SAV1: variants seen among roughly 807,000 people sequenced by gnomAD.
SAV1 encodes protein salvador homolog 1.
In SAV1, 23 loss-of-function variants were observed where a neutral mutation model predicts 47.3. That is an observed-to-expected ratio of 0.49 (90% CI 0.35 to 0.69). The LOEUF (loss-of-function observed/expected upper bound fraction) is 0.69. Among genes scored for constraint, SAV1 ranks in the 30% least tolerant of loss-of-function variants. SAV1 has a pLI of 0.01. For missense variants in SAV1, 448 were observed against 457.4 expected, an observed-to-expected ratio of 0.98 and a Z score of 0.19; for synonymous variants, 155 against 159.2, an observed-to-expected ratio of 0.97 and a Z score of 0.20.
chr14:50,667,462 C>T (rs1349397362), intron 1 of SAV1: 1 of 457,172 alleles, frequency 2.2e-6, no homozygotes, highest in Non-Finnish European at 4.4e-6. Context: ...TCGAGAGACA[C>T]CCGCAATGTT....
chr14:50,651,950 C>G (rs1416984923), intron 2 of SAV1, among the ~76,000 whole-genome samples: 1 of 152,168 alleles, frequency 6.6e-6, no homozygotes, highest in Non-Finnish European at 1.5e-5. Flanking sequence ...ATAAATTGTA[C>G]TTCCTCATCG....
intron 2 of SAV1, among the ~76,000 whole-genome samples, chr14:50,657,605 A>T (rs987946527): frequency 6.6e-6 from 1 of 152,212 alleles, no homozygotes. Flanking sequence ...GCAAGCCACC[A>T]ATTTTGATCC....
At chr14:50,660,040 A>G (rs1018391699) in intron 2 of SAV1, among the ~76,000 whole-genome samples, 1 of 152,182 alleles carries the variant, frequency 6.6e-6, no homozygotes, top group Non-Finnish European at 1.5e-5. Context: ...TTCTTTCCAT[A>G]GTAACTGGCA....
rs751408237 is a variant in SAV1, at chr14:50,665,568, T to G, written c.146A>C (p.Asp49Ala). 1 of 1,613,706 alleles carries G rather than the reference T, an allele frequency of 6.2e-7. No homozygotes were observed. The highest frequency in any genetic ancestry group is 8.5e-7 in the Non-Finnish European group (1 of 1,179,820). ...RHGPTIPRRT[D>A]ICLPDSSPNA... ...AGGGCTTGAATCTGGAAGACAGATA[T>G]CAGTTCGTCTTGGAATTGTTGGACC... The change falls in exon 2 of 5, where the codon GAT becomes GCT. Residue 49 changes from aspartate (D) to alanine (A), a missense_variant. Asp to Ala is a moderately radical substitution (Grantham distance 126). Transcript: ENST00000324679.
At chr14:50,641,945 T>A (rs543995175) in intron 3 of SAV1, among the ~76,000 whole-genome samples, 1 of 152,214 alleles carries the variant, frequency 6.6e-6, no homozygotes, top group East Asian at 1.9e-4. Flanking sequence ...ATAGCAAAGA[T>A]ACGGTATCAA....
At chr14:50,664,719 A>G (rs2039886316) in intron 2 of SAV1, 2 of 152,704 alleles carry the variant, frequency 1.3e-5, no homozygotes, top group Non-Finnish European at 2.9e-5. Context: ...GGCAGGATCT[A>G]GCGAAGTAAT....
chr14:50,660,168 T>C (rs977892821), intron 2 of SAV1, among the ~76,000 whole-genome samples: 1 of 152,230 alleles, frequency 6.6e-6, no homozygotes, highest in Non-Finnish European at 1.5e-5. Context: ...ACCAAGGAAC[T>C]GACTTGGTCT....
rs766731537 is a variant in SAV1, at chr14:50,644,795, T to A, written c.755A>T (p.Tyr252Phe). The change falls in exon 3 of 5, where the codon TAT becomes TTT. Residue 252 changes from tyrosine to phenylalanine, a missense_variant. Transcript: ENST00000324679. The stretch of plus-strand genomic sequence containing the variant: ...GGCCTTCTTATTTGTGTGATCTACA[T>A]AATAGGTTCCAAATTCGGATGACTC... ...RVESSEFGTYYVDHTNKKAQY... is the reference protein window; with the variant it reads ...RVESSEFGTYFVDHTNKKAQY... 1.2e-6 allele frequency: 2 copies of A among 1,614,028 alleles called. No homozygotes were observed. The highest frequency in any genetic ancestry group is 2.2e-5 in the South Asian group (2 of 91,092).
intron 2 of SAV1, among the ~76,000 whole-genome samples, chr14:50,651,665 C>T (rs1264730076): frequency 6.6e-6 from 1 of 152,086 alleles, no homozygotes; most frequent in African/African-American, 2.4e-5. Context: ...CTCACTCTGT[C>T]ACCCAGGCTG....
rs544378955 is a variant in SAV1, at chr14:50,667,796, C to T, written c.94+78G>A. 7.9e-4 allele frequency: 923 copies of T among 1,173,370 alleles called. 6 individuals carry two copies. The highest frequency in any genetic ancestry group is 5.5e-3 in the Middle Eastern group (28 of 5,070). The allele number at this position is 1,173,370 out of a possible 1,614,324, so 72.7% of individuals were successfully genotyped here. On this transcript the variant is annotated intron_variant, in intron 1 of 4. Coordinates refer to ENST00000324679, the MANE Select transcript of SAV1 (RefSeq NM_021818.4). ...AGGACGAAGGAGAAGCCCTGGAGACCCGCCGGCGCCCCCGCCAGGGTCCCC... is the reference window on the plus strand; with the variant it reads ...AGGACGAAGGAGAAGCCCTGGAGACTCGCCGGCGCCCCCGCCAGGGTCCCC...
At chr14:50,655,822 G>A (rs1257222388) in intron 2 of SAV1, among the ~76,000 whole-genome samples, 1 of 151,558 alleles carries the variant, frequency 6.6e-6, no homozygotes, top group Non-Finnish European at 1.5e-5. Context: ...GAGGTGGGTG[G>A]ATCACCTGAG....
Position 50,665,266 on chromosome 14 carries a change from C to G in SAV1, c.448G>C (p.Asp150His). The change falls in exon 2 of 5, where the codon GAT becomes CAT. Residue 150 changes from aspartate to histidine, a missense_variant. Asp to His is a moderately conservative substitution (Grantham distance 81, BLOSUM62 -1). Coordinates refer to ENST00000324679, the MANE Select transcript of SAV1 (RefSeq NM_021818.4). ...TATCTGTAGTCTTCATGTGCACGAT[C>G]TCCAAGTGGCCGCTTTCTCTGACCA... ...FDGQRKRPLG[D>H]RAHEDYRYYE... is the part of the protein sequence containing the mutation. The G allele has an allele frequency of 6.2e-7, 1 of 1,613,870 alleles. No individual in the cohort carries two copies. The highest frequency in any genetic ancestry group is 2.2e-5 in the East Asian group (1 of 44,882).
chr14:50,657,805 C>T (rs899495891), intron 2 of SAV1, among the ~76,000 whole-genome samples: 3 of 152,214 alleles, frequency 2.0e-5, no homozygotes, highest in African/African-American at 7.2e-5. Context: ...ACACACTAAA[C>T]ATATGACTTA....
intron 3 of SAV1, among the ~76,000 whole-genome samples, chr14:50,641,391 T>TA (rs33964457): frequency 1.3e-4 from 19 of 148,432 alleles, no homozygotes; most frequent in Non-Finnish European, 1.8e-4. Flanking sequence ...TCACAGAGAT[T>TA]AAAAAAAAAA....
chr14:50,644,922 T>A lies in SAV1; in HGVS notation c.628A>T (p.Thr210Ser). 2 of 1,614,104 alleles carry A rather than the reference T, an allele frequency of 1.2e-6. No individual in the cohort carries two copies. Among genetic ancestry groups the A allele is most frequent in the South Asian group, 2.2e-5 (2 of 91,080 alleles). Reference sequence around the variant, plus strand: ...ATATAATATTTTCTCCCTCTCATTGTCCAGTCCACAGACCAGCCAGGAGGA... The same window carrying A: ...ATATAATATTTTCTCCCTCTCATTGACCAGTCCACAGACCAGCCAGGAGGA... The part of the protein sequence containing the change: ...PLPPGWSVDW[T>S]MRGRKYYIDH... Residue 210 changes from threonine (T) to serine (S), a missense_variant, in exon 3 of 5, where the codon ACA becomes TCA. Transcript: ENST00000324679.
chr14:50,652,208 T>C (rs2039775184), intron 2 of SAV1, among the ~76,000 whole-genome samples: 1 of 152,242 alleles, frequency 6.6e-6, no homozygotes, highest in Non-Finnish European at 1.5e-5. Flanking sequence ...ATGGTTAAGA[T>C]GGTAAATGTT....
At chr14:50,665,696 T>C (rs2039896457) in intron 1 of SAV1, 77 bp from the exon 2 acceptor site, 1 of 1,266,508 alleles carries the variant, frequency 7.9e-7, no homozygotes, top group African/African-American at 1.5e-5. Context: ...CATTTATGTC[T>C]ACCACCCCAA....
intron 1 of SAV1, among the ~76,000 whole-genome samples, chr14:50,666,857 G>C (rs1469748528): frequency 6.6e-6 from 1 of 151,730 alleles, no homozygotes; most frequent in Non-Finnish European, 1.5e-5. Flanking sequence ...TTTGTTGAAA[G>C]TATTGCAAGT....
chr14:50,637,631 A>G (rs938250257), intron 4 of SAV1: 5 of 151,572 alleles, frequency 3.3e-5, no homozygotes, highest in Non-Finnish European at 7.4e-5. Context: ...AGTTTTGTCT[A>G]AAGGAAGAAA....
Sources: allele counts gnomAD v4.1 joint callset (sites outside exome capture counted in the v4.1 genomes callset), GRCh38; gene constraint gnomAD v4.1.1; transcripts MANE v1.5; gene names NCBI Gene and HGNC (gene_info 2026-07-23, HGNC 2026-07-21).